SERPINB6: variants seen among roughly 807,000 people sequenced by gnomAD.
SERPINB6 encodes the protein serpin B6.
In SERPINB6, 16 loss-of-function variants were observed where a neutral mutation model predicts 26.1. The observed-to-expected ratio is 0.61, with a 90% CI of 0.42 to 0.93. The LOEUF (loss-of-function observed/expected upper bound fraction) is 0.93, where lower values mean the gene tolerates loss of function less well. Ranked by LOEUF, SERPINB6 falls within the 40% of genes least tolerant of loss-of-function variation. The pLI is 0.00. For missense variants in SERPINB6, 420 were observed against 478.0 expected (o/e 0.88, Z 1.13); for synonymous variants, 174 against 176.6 (o/e 0.99, Z 0.11).
At position 2,967,216 on chromosome 6, in the gene SERPINB6, C is replaced by T. The variant is rs1771720971; in HGVS notation, c.-11+4317G>A. ...ACCTGCCCAGGGCACAACACCCACA[C>T]ACAAGTTAGAAAGTTCTGCTCTGGA... On this transcript the variant is annotated intron_variant, in intron 1 of 6. Coordinates refer to ENST00000380539, the MANE Select transcript of SERPINB6 (RefSeq NM_004568.6). This position sits in a 1 kb window ranked among gnomAD's most constrained non-coding sequence, Gnocchi z 4.3. The T allele has an allele frequency of 2.0e-6, 2 of 985,506 alleles. No individual in the cohort carries two copies. Among genetic ancestry groups the T allele is most frequent in the East Asian group, 2.3e-4 (2 of 8,822 alleles). 61.0% of individuals were successfully genotyped at this position (985,506 alleles called of 1,614,324 possible).
chr6:2,954,122 A>G (rs970392857), intron 4 of SERPINB6, among the ~76,000 whole-genome samples: 1 of 151,754 alleles, frequency 6.6e-6, no homozygotes, highest in Non-Finnish European at 1.5e-5. Flanking sequence ...TGTCTCAAAA[A>G]AAAAAAAAAA....
At position 2,959,309 on chromosome 6, in the gene SERPINB6, A is replaced by G; in HGVS notation, c.24T>C (p.Asn8=). 1 of 1,614,148 alleles carries G rather than the reference A, an allele frequency of 6.2e-7. No homozygotes were observed. The change falls in exon 2 of 7, where the codon AAT becomes AAC. Residue 8 remains asparagine, a synonymous_variant. Coordinates refer to ENST00000380539, the MANE Select transcript of SERPINB6 (RefSeq NM_004568.6). MDVLAEA[N]GTFALNLLKT... ...TCAAAAGGTTTAAGGCAAAGGTGCC[A>G]TTTGCTTCTGCGAGAACATCCATGA... is the stretch of plus-strand genomic sequence containing the variant.
In SERPINB6 at chr6:2,955,226, C is replaced by G. The variant is rs79588648; in HGVS notation, c.312+298G>C. On this transcript the variant is annotated intron_variant, in intron 3 of 6. Coordinates refer to ENST00000380539, the MANE Select transcript of SERPINB6 (RefSeq NM_004568.6). ...AACAAAAAAAAAAAAGCAAAAAACA[C>G]TAAGTTGAATCAGTCTCTGAATATC... 4.5e-3 allele frequency: 1,553 copies of G among 343,684 alleles called. 23 individuals carry two copies. The highest frequency in any genetic ancestry group is 0.031 in the African/African-American group (1,452 of 46,182). 21.3% of individuals were successfully genotyped at this position (343,684 alleles called of 1,614,324 possible). A position where few individuals can be genotyped will look rare whatever the true frequency, so the allele number is the denominator to read the frequency against.
chr6:2,949,384 C>T (rs2113108814), intron 5 of SERPINB6, among the ~76,000 whole-genome samples: 1 of 152,354 alleles, frequency 6.6e-6, no homozygotes, highest in East Asian at 1.9e-4. Flanking sequence ...CATTTTACTG[C>T]CCACCTGCAC....
intron 3 of SERPINB6, 38 bp downstream of exon 3, chr6:2,955,486 C>A: frequency 1.2e-6 from 2 of 1,613,902 alleles, no homozygotes; most frequent in Non-Finnish European, 1.7e-6. Context: ...ACCTGGCCAC[C>A]TTTATTTCTT....
At chr6:2,962,200 C>T in intron 1 of SERPINB6, 1 of 985,482 alleles carries the variant, frequency 1.0e-6, no homozygotes, top group Non-Finnish European at 1.2e-6. Context: ...GCCTGTCTGG[C>T]CAGCCCAGGT....
chr6:2,971,576 C>A (rs1475286077), upstream of SERPINB6: 1 of 152,234 alleles, frequency 6.6e-6, no homozygotes, highest in African/African-American at 2.4e-5. Flanking sequence ...GCAGAGGCGC[C>A]GGAGCCGCCC....
chr6:2,971,182 C>A (rs968269441), intron 1 of SERPINB6: 1 of 992,462 alleles, frequency 1.0e-6, no homozygotes, highest in Non-Finnish European at 1.2e-6. Flanking sequence ...GGGCGCTGGG[C>A]CTGGGCGCCC....
intron 1 of SERPINB6, among the ~76,000 whole-genome samples, chr6:2,964,870 G>A (rs1771464277): frequency 2.0e-5 from 3 of 152,132 alleles, no homozygotes; most frequent in South Asian, 2.1e-4. Flanking sequence ...GGGGTCTCAC[G>A]CTGTCGCCCA....
At chr6:2,970,970 G>A (rs1772095833) in intron 1 of SERPINB6, 2 of 1,200,258 alleles carry the variant, frequency 1.7e-6, no homozygotes, top group South Asian at 8.9e-5. Flanking sequence ...CAGGGGGCCC[G>A]GATGGCACCG....
At chr6:2,968,666 AT>A in intron 1 of SERPINB6, 1 of 1,227,870 alleles carries the variant, frequency 8.1e-7, no homozygotes, top group East Asian at 3.2e-5. Context: ...TGTTTGCTTT[AT>A]TTTATTTAGG....
rs1424212090 is a variant in SERPINB6 at position 2,948,216 on chromosome 6, TA to T, written c.*81del. On this transcript the variant is annotated 3_prime_UTR_variant, in exon 7 of 7. Transcript: ENST00000380539. This position sits in a 1 kb window ranked among gnomAD's most constrained non-coding sequence, Gnocchi z 5.0. ...TTCTGAACTGCCACCACTGCACGGA[TA>T]AGGCCACTTGGGTTGCAGGCACACT... is the stretch of plus-strand genomic sequence containing the variant. 2.1e-5 allele frequency: 33 copies of T among 1,547,624 alleles called. No individual in the cohort carries two copies. The highest frequency in any genetic ancestry group is 2.8e-5 in the Non-Finnish European group (31 of 1,121,804).
In SERPINB6 at chr6:2,951,402, T is replaced by TAA. The variant is rs1251893488; in HGVS notation, c.573+1640_573+1641dup. ...ACTCTGTCTTGGAAAAAATAAAAAA[T>TAA]AAAAAAAAAAAATAAGCATGGCTGT... On this transcript the variant is annotated intron_variant, in intron 5 of 6. Coordinates refer to ENST00000380539, the MANE Select transcript of SERPINB6 (RefSeq NM_004568.6). Among the ~76,000 whole-genome samples the TAA allele has an allele frequency of 6.1e-4, 85 of 140,052 alleles. 2 individuals are homozygous for TAA. Among genetic ancestry groups the TAA allele is most frequent in the African/African-American group, 2.3e-3 (83 of 36,750 alleles). The allele number at this position is 140,052 out of a possible 152,430, so 91.9% of individuals were successfully genotyped here.
intron 1 of SERPINB6, chr6:2,962,084 G>C (rs573333170): frequency 1.0e-6 from 1 of 985,214 alleles, no homozygotes; most frequent in Admixed American, 6.2e-5. Context: ...AAAACACTCC[G>C]TCTCCGGTAA....
intron 1 of SERPINB6, among the ~76,000 whole-genome samples, chr6:2,962,370 G>T (rs1300158437): frequency 6.6e-6 from 1 of 152,210 alleles, no homozygotes; most frequent in Non-Finnish European, 1.5e-5. Flanking sequence ...CTGAAACACT[G>T]AACTGGAGAA....
chr6:2,964,471 G>A (rs1046942896), intron 1 of SERPINB6, among the ~76,000 whole-genome samples: 3 of 152,098 alleles, frequency 2.0e-5, no homozygotes, highest in Admixed American at 6.5e-5. Context: ...AGGAAAAAAG[G>A]TAAGTGTAGG....
rs1194621627 is a variant in SERPINB6, at chr6:2,970,489, A to AG, written c.-11+1043dup. The AG allele has an allele frequency of 3.5e-6, 4 of 1,138,956 alleles. No individual in the cohort carries two copies. The Admixed American group carries it at 1.4e-4, about 41-fold the overall frequency. The allele number at this position is 1,138,956 out of a possible 1,614,324, so 70.6% of individuals were successfully genotyped here. ...AGCCCCAGCAATACAAGGCCGGCCC[A>AG]GGACCTTAACTAGAAGGTCACTGAA... On this transcript the variant is annotated intron_variant, in intron 1 of 6. Transcript: ENST00000380539.
At chr6:2,958,458 C>T (rs998361655) in intron 2 of SERPINB6, among the ~76,000 whole-genome samples, 8 of 152,146 alleles carry the variant, frequency 5.3e-5, no homozygotes, top group Admixed American at 2.0e-4. Context: ...CAGGCGGGGA[C>T]GTGATGGGTA....
At chr6:2,953,338 G>T in intron 4 of SERPINB6, 152 bp from the exon 5 acceptor site, 1 of 1,025,498 alleles carries the variant, frequency 9.8e-7, no homozygotes, top group Non-Finnish European at 1.5e-6. Flanking sequence ...TGTCCTTAAA[G>T]CAAAACAACA....
Sources: allele counts gnomAD v4.1 joint callset (sites outside exome capture counted in the v4.1 genomes callset), GRCh38; gene constraint gnomAD v4.1.1; non-coding constraint Gnocchi (gnomAD v3.1); transcripts MANE v1.5; gene names NCBI Gene and HGNC (gene_info 2026-07-23, HGNC 2026-07-21).